Variants in PRKACB observed in about 807,000 individuals in gnomAD.
PRKACB encodes the protein cAMP-dependent protein kinase catalytic subunit beta.
In PRKACB, 16 loss-of-function variants were observed where a neutral mutation model predicts 51.4. That is an observed-to-expected ratio of 0.31 (90% CI 0.21 to 0.47). The LOEUF is 0.47. Among genes scored for constraint, PRKACB ranks in the 20% least tolerant of loss-of-function variants. The pLI, the probability that PRKACB is intolerant of heterozygous loss-of-function variation, is 1.00. For missense variants in PRKACB, 309 were observed against 464.5 expected (o/e 0.67, Z 3.08); for synonymous variants, 147 against 154.4 (o/e 0.95, Z 0.35).
chr1:84,115,571 T>C (rs1650567019), intron 1 of PRKACB, among the ~76,000 whole-genome samples: 1 of 151,964 alleles, frequency 6.6e-6, no homozygotes, highest in Non-Finnish European at 1.5e-5. Flanking sequence ...GCCTGTATTT[T>C]TGAGGTCTTA....
At chr1:84,170,307 G>A (rs1659015553) in intron 1 of PRKACB, among the ~76,000 whole-genome samples, 1 of 151,594 alleles carries the variant, frequency 6.6e-6, no homozygotes, top group Non-Finnish European at 1.5e-5. Context: ...AAGCATAGAT[G>A]AGAAAATAAA....
chr1:84,144,081 C>T (rs1653707226), upstream of PRKACB, among the ~76,000 whole-genome samples: 1 of 152,092 alleles, frequency 6.6e-6, no homozygotes, highest in Non-Finnish European at 1.5e-5. Context: ...TTAATGCTCT[C>T]ATTAGCCTAT....
chr1:84,220,891 T>G (rs948847234), intron 9 of PRKACB, among the ~76,000 whole-genome samples: 2 of 152,136 alleles, frequency 1.3e-5, no homozygotes, highest in Non-Finnish European at 2.9e-5. Context: ...GAGATGTTGG[T>G]CTGTAGTGTT....
At chr1:84,151,123 G>A (rs1654813179) in intron 1 of PRKACB, among the ~76,000 whole-genome samples, 1 of 152,054 alleles carries the variant, frequency 6.6e-6, no homozygotes, top group South Asian at 2.1e-4. Flanking sequence ...TCATACCTCA[G>A]AGATACTGCA....
intron 1 of PRKACB, among the ~76,000 whole-genome samples, chr1:84,136,300 A>G (rs921709511): frequency 7.2e-5 from 11 of 152,306 alleles, no homozygotes; most frequent in Non-Finnish European, 1.2e-4. Context: ...TTCACTGGTG[A>G]AATATACAAA....
In PRKACB at chr1:84,147,449, A is replaced by G. The variant is rs74095508; in HGVS notation, c.187+2901A>G. ...CTTTGTCTTTTTATCAGCTTTTTCC[A>G]CTTGAAACTATTCCATAAGCTTCTT... is the stretch of plus-strand genomic sequence containing the variant. On this transcript the variant is annotated intron_variant, in intron 1 of 9. Coordinates refer to ENST00000370685, the MANE Select transcript of PRKACB (RefSeq NM_182948.4). 2.7e-3 allele frequency among the ~76,000 whole-genome samples: 408 copies of G among 152,024 alleles called. 2 individuals are homozygous for G. The highest frequency in any genetic ancestry group is 9.5e-3 in the African/African-American group (395 of 41,512).
intron 5 of PRKACB, among the ~76,000 whole-genome samples, chr1:84,189,426 T>G (rs1228341063): frequency 2.0e-5 from 3 of 151,524 alleles, no homozygotes; most frequent in Non-Finnish European, 4.4e-5. Context: ...AGATAAACGT[T>G]TCTGCATCAG....
intron 9 of PRKACB, among the ~76,000 whole-genome samples, chr1:84,217,667 C>A (rs1300312860): frequency 6.6e-6 from 1 of 152,122 alleles, no homozygotes; most frequent in Non-Finnish European, 1.5e-5. Flanking sequence ...TGGTAACACA[C>A]ACTTGGTCCC....
chr1:84,180,208 A>ATATATATATGTG (rs933229907), intron 2 of PRKACB, among the ~76,000 whole-genome samples: 8 of 129,942 alleles, frequency 6.2e-5, no homozygotes, highest in African/African-American at 1.9e-4. Context: ...ATATATATAT[A>ATATATATATGTG]TGTATGATGG....
chr1:84,199,030 T>C (rs530782319), intron 7 of PRKACB, among the ~76,000 whole-genome samples: 1 of 147,804 alleles, frequency 6.8e-6, no homozygotes, highest in African/African-American at 2.5e-5. Context: ...TATATACACA[T>C]ATATACGCAT....
intron 1 of PRKACB, among the ~76,000 whole-genome samples, chr1:84,163,642 CAG>C (rs1456605140): frequency 1.3e-5 from 2 of 151,956 alleles, no homozygotes; most frequent in Non-Finnish European, 2.9e-5. Context: ...TGTTTTTAGG[CAG>C]AGTTCAGTGG....
intron 1 of PRKACB, chr1:84,165,012 T>G: frequency 6.5e-7 from 1 of 1,534,074 alleles, no homozygotes; most frequent in Non-Finnish European, 8.8e-7. Flanking sequence ...TCATCATGAG[T>G]GGTAAGTATG....
At chr1:84,126,219 G>T (rs1651591546) in intron 1 of PRKACB, among the ~76,000 whole-genome samples, 2 of 152,186 alleles carry the variant, frequency 1.3e-5, no homozygotes, top group Non-Finnish European at 2.9e-5. Context: ...ACAGCCTTTT[G>T]CACCCGCCCT....
chr1:84,198,586 C>G lies in PRKACB; in HGVS notation c.783+762C>G, dbSNP rs982466790. ...CTTTCATAATTTAAATAATATGTAA[C>G]TTCTTGATATTTTATAATCTAAATA... On this transcript the variant is annotated intron_variant, in intron 7 of 9. Coordinates refer to ENST00000370685, the MANE Select transcript of PRKACB (RefSeq NM_182948.4). Among the ~76,000 whole-genome samples, 3 of 152,030 alleles carry G rather than the reference C, an allele frequency of 2.0e-5. No homozygotes were observed. The East Asian group carries it at 5.8e-4, about 29-fold the overall frequency.
intron 1 of PRKACB, among the ~76,000 whole-genome samples, chr1:84,088,369 A>T (rs1312841102): frequency 6.6e-6 from 1 of 152,190 alleles, no homozygotes; most frequent in Non-Finnish European, 1.5e-5. Context: ...CTTTGTCCTT[A>T]GAAAATTAAA....
At chr1:84,095,806 T>C (rs1648883650) in intron 1 of PRKACB, among the ~76,000 whole-genome samples, 1 of 152,036 alleles carries the variant, frequency 6.6e-6, no homozygotes, top group Non-Finnish European at 1.5e-5. Flanking sequence ...TTATTATATT[T>C]TTAATCTCTA....
At chr1:84,155,955 A>T (rs1393170544) in intron 1 of PRKACB, among the ~76,000 whole-genome samples, 1 of 152,054 alleles carries the variant, frequency 6.6e-6, no homozygotes, top group Non-Finnish European at 1.5e-5. Context: ...AAGGAGACTA[A>T]TTTGCTCTCC....
At chr1:84,114,781 C>G (rs1422923027) in intron 1 of PRKACB, among the ~76,000 whole-genome samples, 1 of 152,092 alleles carries the variant, frequency 6.6e-6, no homozygotes, top group African/African-American at 2.4e-5. Flanking sequence ...TAAATGAGAA[C>G]ATGTGATATT....
intron 8 of PRKACB, among the ~76,000 whole-genome samples, chr1:84,213,103 C>T (rs1672372634): frequency 6.6e-6 from 1 of 152,076 alleles, no homozygotes; most frequent in African/African-American, 2.4e-5. Flanking sequence ...AAAGTGTTTT[C>T]TACAAAGTGC....
Sources: gnomAD v4.1 joint callset for allele counts (sites outside exome capture counted in the v4.1 genomes callset) on GRCh38, gnomAD v4.1.1 for gene constraint, MANE v1.5 for transcripts, NCBI Gene and HGNC (gene_info 2026-07-23, HGNC 2026-07-21) for gene names.